Variants in KCNH5 observed in about 807,000 individuals in gnomAD.
The protein encoded by KCNH5 is voltage-gated delayed rectifier potassium channel KCNH5.
A neutral mutation model predicts 96.1 loss-of-function variants in KCNH5; 46 were observed. The ratio of observed to expected loss-of-function variants is 0.48; its 90% confidence interval spans 0.38 to 0.61. KCNH5 has a LOEUF of 0.61. Among genes scored for constraint, KCNH5 ranks in the 20% least tolerant of loss-of-function variants. KCNH5 has a pLI of 0.00. For synonymous variants in KCNH5, 439 were observed against 449.8 expected, an observed-to-expected ratio of 0.98 and a Z score of 0.30; for missense variants, 907 against 1,225.8, an observed-to-expected ratio of 0.74 and a Z score of 3.88.
intron 7 of KCNH5, among the ~76,000 whole-genome samples, chr14:62,897,497 A>C (rs1029773746): frequency 6.6e-6 from 1 of 152,158 alleles, no homozygotes; most frequent in Non-Finnish European, 1.5e-5. Context: ...CAGAAGAAAG[A>C]AGCTTTTTAC....
At chr14:63,029,235 T>C (rs1891581124) in intron 1 of KCNH5, among the ~76,000 whole-genome samples, 1 of 152,154 alleles carries the variant, frequency 6.6e-6, no homozygotes, top group Admixed American at 6.6e-5. Flanking sequence ...TAACAATCAA[T>C]ATACCACAAG....
At chr14:62,937,831 A>G (rs2140120974) in intron 7 of KCNH5, among the ~76,000 whole-genome samples, 1 of 152,262 alleles carries the variant, frequency 6.6e-6, no homozygotes, top group Admixed American at 6.5e-5. Context: ...GGATGAAGGA[A>G]TTTGGAGTGT....
At chr14:62,955,084 C>CAA (rs748636060) in intron 6 of KCNH5, among the ~76,000 whole-genome samples, 15 of 115,742 alleles carry the variant, frequency 1.3e-4, no homozygotes, top group African/African-American at 4.9e-4. Context: ...AGAGAACTGC[C>CAA]AAAAAAAAAA....
chr14:62,997,975 T>C (rs1320751605), intron 4 of KCNH5, among the ~76,000 whole-genome samples: 1 of 151,938 alleles, frequency 6.6e-6, no homozygotes, highest in Non-Finnish European at 1.5e-5. Flanking sequence ...TTTTCTGGTT[T>C]TGCTATATGG....
intron 3 of KCNH5, among the ~76,000 whole-genome samples, chr14:63,005,813 G>T (rs1891114317): frequency 6.6e-6 from 1 of 152,042 alleles, no homozygotes; most frequent in South Asian, 2.1e-4. Flanking sequence ...CCAGAGAAAG[G>T]TCACAACAAT....
chr14:62,843,302 AC>A (rs1887622746), intron 8 of KCNH5, among the ~76,000 whole-genome samples: 1 of 152,034 alleles, frequency 6.6e-6, no homozygotes. Flanking sequence ...AATGGGCTGT[AC>A]TGGCATGATC....
At chr14:62,885,182 A>G (rs1888572199) in intron 7 of KCNH5, among the ~76,000 whole-genome samples, 1 of 152,228 alleles carries the variant, frequency 6.6e-6, no homozygotes, top group Admixed American at 6.5e-5. Flanking sequence ...CATAATTAAG[A>G]AACCCACAAC....
intron 10 of KCNH5, chr14:62,712,350 C>A: frequency 2.8e-6 from 1 of 358,902 alleles, no homozygotes. Context: ...AAAGTGGTCA[C>A]TTCCACACAC....
intron 10 of KCNH5, among the ~76,000 whole-genome samples, chr14:62,732,100 T>C (rs947023745): frequency 6.6e-5 from 10 of 152,182 alleles, no homozygotes; most frequent in African/African-American, 2.4e-4. Context: ...ACTGTATCAA[T>C]TAGTCAAAAC....
At chr14:63,037,491 T>C (rs1891743940) in intron 1 of KCNH5, among the ~76,000 whole-genome samples, 1 of 152,186 alleles carries the variant, frequency 6.6e-6, no homozygotes, top group Non-Finnish European at 1.5e-5. Context: ...TCGGAGTCTT[T>C]ATTCTGAGAC....
chr14:62,963,884 T>A (rs1890258029), intron 6 of KCNH5, among the ~76,000 whole-genome samples: 1 of 152,050 alleles, frequency 6.6e-6, no homozygotes, highest in South Asian at 2.1e-4. Context: ...CAACTAAAGA[T>A]CTACAAACCC....
At chr14:63,017,584 A>G (rs909533636) in intron 1 of KCNH5, among the ~76,000 whole-genome samples, 7 of 151,834 alleles carry the variant, frequency 4.6e-5, no homozygotes, top group African/African-American at 1.7e-4. Flanking sequence ...TTTTACACAG[A>G]AAAGTAGGTT....
chr14:62,922,155 C>G (rs2140109149), intron 7 of KCNH5, among the ~76,000 whole-genome samples: 1 of 151,836 alleles, frequency 6.6e-6, no homozygotes, highest in Middle Eastern at 3.4e-3. Flanking sequence ...CTTTGTAATC[C>G]CTGAGGTTTT....
At chr14:62,817,954 T>A (rs1887027423) in intron 8 of KCNH5, among the ~76,000 whole-genome samples, 1 of 149,922 alleles carries the variant, frequency 6.7e-6, no homozygotes, top group Non-Finnish European at 1.5e-5. Flanking sequence ...AATCTTGCCA[T>A]TTGTGAAAAC....
intron 10 of KCNH5, among the ~76,000 whole-genome samples, chr14:62,776,254 A>G (rs1283668963): frequency 1.3e-5 from 2 of 151,836 alleles, no homozygotes; most frequent in Non-Finnish European, 2.9e-5. Context: ...GTGACAGAGC[A>G]AGGTTCCATC....
intron 7 of KCNH5, among the ~76,000 whole-genome samples, chr14:62,901,160 A>G (rs951873022): frequency 6.6e-6 from 1 of 151,080 alleles, no homozygotes; most frequent in East Asian, 2.0e-4. Flanking sequence ...AGCCTCCATC[A>G]CTTTTTTCAT....
intron 9 of KCNH5, among the ~76,000 whole-genome samples, chr14:62,796,510 A>G (rs554764162): frequency 3.5e-4 from 54 of 152,344 alleles, no homozygotes; most frequent in African/African-American, 1.3e-3. Flanking sequence ...ATTTGAAGTT[A>G]CAATTGAAAG....
rs1026415225 is a variant in KCNH5 at position 62,703,684 on chromosome 14, G to A, written c.*3824C>T. 1 of 151,724 alleles carries A rather than the reference G, an allele frequency of 6.6e-6. No individual in the cohort carries two copies. Among genetic ancestry groups the A allele is most frequent in the African/African-American group, 2.4e-5 (1 of 41,378 alleles). 9.4% of individuals were successfully genotyped at this position (151,724 alleles called of 1,614,324 possible). A position where few individuals can be genotyped will look rare whatever the true frequency, so the allele number is the denominator to read the frequency against. ...CCCCCTTTCCATTAAGATGAGAAGA[G>A]AAATACTTTTACACCTAATAGAAAA... On this transcript the variant is annotated 3_prime_UTR_variant, in exon 11 of 11. Coordinates refer to ENST00000322893, the MANE Select transcript of KCNH5 (RefSeq NM_139318.5).
rs147741412 is a variant in KCNH5, at chr14:62,724,927, G to A, written c.2020-16472C>T. 8.4e-3 allele frequency among the ~76,000 whole-genome samples: 1,278 copies of A among 152,306 alleles called. 10 individuals are homozygous for A. The highest frequency in any genetic ancestry group is 0.01 in the Non-Finnish European group (700 of 68,028). ...TGCCAGTGCATTTGCCCACCAGCAT[G>A]CAAACACACAGCAAAGCCGGCAGAG... On this transcript the variant is annotated intron_variant, in intron 10 of 10. Coordinates refer to ENST00000322893, the MANE Select transcript of KCNH5 (RefSeq NM_139318.5).
Sources: allele counts gnomAD v4.1 joint callset (sites outside exome capture counted in the v4.1 genomes callset), GRCh38; gene constraint gnomAD v4.1.1; transcripts MANE v1.5; gene names NCBI Gene and HGNC (gene_info 2026-07-23, HGNC 2026-07-21).